Variants in STON2 observed in about 807,000 individuals in gnomAD.
STON2 encodes stonin 2.
A neutral mutation model predicts 65.7 loss-of-function variants in STON2; 29 were observed. That is an observed-to-expected ratio of 0.44 (90% CI 0.33 to 0.60). The LOEUF (loss-of-function observed/expected upper bound fraction) is 0.60. Ranked by LOEUF, STON2 falls within the 20% of genes least tolerant of loss-of-function variation. The probability of loss-of-function intolerance (pLI) is 0.03; values close to 1 mark genes in which losing one functional copy is unlikely to be tolerated. For synonymous variants in STON2, 404 were observed against 414.2 expected (o/e 0.98, Z 0.30); for missense variants, 1,054 against 1,118.1 (o/e 0.94, Z 0.82).
intron 2 of STON2, among the ~76,000 whole-genome samples, chr14:81,417,018 A>T (rs979556073): frequency 1.3e-5 from 2 of 152,190 alleles, no homozygotes; most frequent in African/African-American, 2.4e-5. Flanking sequence ...TCCCAGGTAG[A>T]TGACGCAGAG....
In STON2 at chr14:81,352,692, T is replaced by G. The variant is rs189818084; in HGVS notation, c.571+18296A>C. Reference sequence around the variant, plus strand: ...GTCCTCATCTGTTAAAGAAGGATCATAACACTAAAAGAACATCACAGAGGA... The same window carrying G: ...GTCCTCATCTGTTAAAGAAGGATCAGAACACTAAAAGAACATCACAGAGGA... On this transcript the variant is annotated intron_variant, in intron 4 of 7. Transcript: ENST00000614646. Among the ~76,000 whole-genome samples the G allele has an allele frequency of 7.6e-4, 116 of 152,296 alleles. 2 individuals carry two copies. The East Asian group carries it at 0.02, about 26-fold the overall frequency.
rs868855125 is a variant in STON2 at position 81,382,549 on chromosome 14, G to A, written c.374-11364C>T. Among the ~76,000 whole-genome samples the A allele has an allele frequency of 5.9e-5, 9 of 152,284 alleles. No individual in the cohort carries two copies. The South Asian group carries it at 1.9e-3, about 32-fold the overall frequency. ...ACTCAGAAGGTGGTGATACAGAGGG[G>A]AGGGAAGGGGATGTGATGAGGGAGG... is the stretch of plus-strand genomic sequence containing the variant. On this transcript the variant is annotated intron_variant, in intron 3 of 7. Coordinates refer to ENST00000614646, the MANE Select transcript of STON2 (RefSeq NM_001394390.1).
rs1894150285 is a variant in STON2 at position 81,261,669 on chromosome 14, C to A, written c.*6745G>T. The A allele has an allele frequency of 1.0e-6, 1 of 973,156 alleles. No individual in the cohort carries two copies. 60.3% of individuals were successfully genotyped at this position (973,156 alleles called of 1,614,324 possible). A position where few individuals can be genotyped will look rare whatever the true frequency, so the allele number is the denominator to read the frequency against. On this transcript the variant is annotated 3_prime_UTR_variant, in exon 8 of 8. Coordinates refer to ENST00000614646, the MANE Select transcript of STON2 (RefSeq NM_001394390.1). ...ATACAAAATGACAAATATATATATA[C>A]CTCATTGATTATCCTATCATCCCCA...
chr14:81,377,330 T>C (rs1183877707), intron 3 of STON2, among the ~76,000 whole-genome samples: 2 of 152,352 alleles, frequency 1.3e-5, no homozygotes, highest in African/African-American at 2.4e-5. Context: ...ATCTGAGTTG[T>C]TGCATGTACC....
At chr14:81,429,383 C>A (rs1159061095) in intron 1 of STON2, among the ~76,000 whole-genome samples, 2 of 152,180 alleles carry the variant, frequency 1.3e-5, no homozygotes, top group Non-Finnish European at 2.9e-5. Context: ...CAACTGCCTG[C>A]AAGTTTGACA....
At chr14:81,398,143 T>C (rs139457575) in intron 2 of STON2, 152 bp downstream of exon 2, 1 of 588,456 alleles carries the variant, frequency 1.7e-6, no homozygotes, top group Admixed American at 3.4e-5. Context: ...ATTCTTCCAC[T>C]TAGGATTCTA....
Position 81,277,340 on chromosome 14 carries a change from G to A in STON2, c.2142C>T (p.His714=). 1 of 1,614,194 alleles carries A rather than the reference G, an allele frequency of 6.2e-7. No homozygotes were observed. Among genetic ancestry groups the A allele is most frequent in the Non-Finnish European group, 8.5e-7 (1 of 1,180,028 alleles). Residue 714 remains histidine (H), a synonymous_variant, in exon 6 of 8, where the codon CAC becomes CAT. Transcript: ENST00000614646. ...GGTTGAACAGAATGACCCGTGAGTTGTGGAAAACATCCTCATCCACACACC... is the reference window on the plus strand; with the variant it reads ...GGTTGAACAGAATGACCCGTGAGTTATGGAAAACATCCTCATCCACACACC... The part of the protein sequence containing the change: ...FHGCVDEDVF[H]NSRVILFNPL...
At chr14:81,428,738 C>T (rs1452530704) in intron 1 of STON2, among the ~76,000 whole-genome samples, 1 of 152,040 alleles carries the variant, frequency 6.6e-6, no homozygotes, top group Admixed American at 6.6e-5. Context: ...AAAACAGAAA[C>T]AAAAACCAAA....
At chr14:81,316,441 A>G (rs1244258718) in intron 5 of STON2, among the ~76,000 whole-genome samples, 1 of 152,200 alleles carries the variant, frequency 6.6e-6, no homozygotes, top group Non-Finnish European at 1.5e-5. Flanking sequence ...ATGGAGCACA[A>G]ATAGTAGGGA....
chr14:81,423,014 G>C (rs986548806), intron 2 of STON2, among the ~76,000 whole-genome samples: 2 of 149,890 alleles, frequency 1.3e-5, no homozygotes, highest in Non-Finnish European at 2.9e-5. Context: ...CAGCCTGGGA[G>C]ACAGGGCAAG....
rs1898895958 is a variant in STON2 at position 81,369,604 on chromosome 14, C to A, written c.571+1384G>T. ...GTCAAGCATCACATAAGTTATTCTA[C>A]ATAAACTGTCTCATTTGGAGATGAT... On this transcript the variant is annotated intron_variant, in intron 4 of 7. Transcript: ENST00000614646. Among the ~76,000 whole-genome samples the A allele has an allele frequency of 2.6e-5, 4 of 152,304 alleles. No homozygotes were observed. The South Asian group carries it at 8.3e-4, about 32-fold the overall frequency.
chr14:81,280,987 A>G (rs1406348922), intron 5 of STON2, among the ~76,000 whole-genome samples: 5 of 148,200 alleles, frequency 3.4e-5, no homozygotes, highest in African/African-American at 5.0e-5. Flanking sequence ...CTCCAGTCTG[A>G]GCGATAGAGC....
intron 2 of STON2, among the ~76,000 whole-genome samples, chr14:81,409,765 A>G (rs1250974955): frequency 1.3e-5 from 2 of 152,198 alleles, no homozygotes; most frequent in African/African-American, 2.4e-5. Flanking sequence ...TCTGCCTTCT[A>G]GAAATGAGGT....
chr14:81,386,630 G>GT (rs954351603), intron 3 of STON2, among the ~76,000 whole-genome samples: 1 of 152,096 alleles, frequency 6.6e-6, no homozygotes, highest in African/African-American at 2.4e-5. Context: ...AAATGAAAGG[G>GT]TTTTTTTGTT....
At chr14:81,348,878 T>C (rs1466231909) in intron 4 of STON2, among the ~76,000 whole-genome samples, 1 of 124,696 alleles carries the variant, frequency 8.0e-6, no homozygotes, top group Non-Finnish European at 1.8e-5. Context: ...CTAAACAGCA[T>C]GGTAATGGTA....
intron 5 of STON2, among the ~76,000 whole-genome samples, chr14:81,286,215 T>C (rs927875414): frequency 1.3e-5 from 2 of 152,166 alleles, no homozygotes; most frequent in African/African-American, 4.8e-5. Context: ...ATAAACTTAG[T>C]TGATAAAGCA....
intron 5 of STON2, among the ~76,000 whole-genome samples, chr14:81,312,542 T>C (rs780036232): frequency 6.6e-6 from 1 of 152,222 alleles, no homozygotes; most frequent in African/African-American, 2.4e-5. Context: ...AAAGAAGTTG[T>C]ACCTTCTAAT....
intron 5 of STON2, among the ~76,000 whole-genome samples, chr14:81,304,116 T>C (rs1198336668): frequency 1.3e-5 from 2 of 152,216 alleles, no homozygotes; most frequent in South Asian, 2.1e-4. Context: ...TACTCTCTTG[T>C]AGAGTCAAAT....
intron 4 of STON2, among the ~76,000 whole-genome samples, chr14:81,357,996 A>G (rs1487450536): frequency 2.0e-5 from 3 of 151,974 alleles, no homozygotes; most frequent in Admixed American, 6.5e-5. Context: ...TATGTAACTA[A>G]CCTGCACATT....
Sources: allele counts gnomAD v4.1 joint callset (sites outside exome capture counted in the v4.1 genomes callset), GRCh38; gene constraint gnomAD v4.1.1; transcripts MANE v1.5; gene names NCBI Gene and HGNC (gene_info 2026-07-23, HGNC 2026-07-21).